The following MYO1D variants were observed in gnomAD, a reference collection of about 807,000 sequenced individuals.
MYO1D encodes the protein myosin ID.
Under a neutral mutation model 122.0 loss-of-function variants are expected in MYO1D, and 83 were observed. The observed-to-expected ratio is 0.68, with a 90% confidence interval of 0.57 to 0.82. The LOEUF (loss-of-function observed/expected upper bound fraction) is 0.82. MYO1D is among the 40% of genes least tolerant of loss of function. MYO1D has a pLI of 0.00. For synonymous variants in MYO1D, 464 were observed against 446.9 expected (o/e 1.04, Z -0.48); for missense variants, 1,157 against 1,269.5 (o/e 0.91, Z 1.35).
intron 21 of MYO1D, among the ~76,000 whole-genome samples, chr17:32,587,920 AAATC>A (rs1325339205): frequency 6.6e-6 from 1 of 152,260 alleles, no homozygotes; most frequent in African/African-American, 2.4e-5. Context: ...AACAAAATGA[AAATC>A]AATCAATTAG....
In MYO1D at chr17:32,760,468, C is replaced by A; in HGVS notation, c.1181+14G>T. On this transcript the variant is annotated intron_variant, in intron 9 of 21. Transcript: ENST00000318217. ...AAACAGGCAACAAGGTTTTAAGTAT[C>A]TTTTCCAGTTTACCTGTTGTTGTCA... The A allele has an allele frequency of 2.5e-6, 4 of 1,610,120 alleles. No homozygotes were observed. Among genetic ancestry groups the A allele is most frequent in the Non-Finnish European group, 3.4e-6 (4 of 1,177,548 alleles).
At chr17:32,868,732 T>C (rs1434099042) in intron 1 of MYO1D, among the ~76,000 whole-genome samples, 1 of 152,104 alleles carries the variant, frequency 6.6e-6, no homozygotes, top group African/African-American at 2.4e-5. Context: ...ATTTTACATA[T>C]AAGGAAATGA....
rs978706612 is a variant in MYO1D, at chr17:32,699,831, A to G, written c.2121+12157T>C. Among the ~76,000 whole-genome samples the G allele has an allele frequency of 2.0e-5, 3 of 152,330 alleles. No individual in the cohort carries two copies. The South Asian group carries it at 6.2e-4, about 32-fold the overall frequency. ...TTTTTGTGAATATTTGCAATTTTCC[A>G]TAATAAAAATATTAAAAAATAACAT... is the stretch of plus-strand genomic sequence containing the variant. On this transcript the variant is annotated intron_variant, in intron 16 of 21. Transcript: ENST00000318217.
At chr17:32,546,832 G>A (rs2086968696) in intron 21 of MYO1D, among the ~76,000 whole-genome samples, 1 of 151,978 alleles carries the variant, frequency 6.6e-6, no homozygotes, top group Middle Eastern at 3.4e-3. Flanking sequence ...AGTGATGTTT[G>A]CTTTATTTTG....
intron 12 of MYO1D, 27 bp downstream of exon 12, chr17:32,748,909 T>C (rs1433626192): frequency 1.3e-6 from 2 of 1,586,322 alleles, no homozygotes; most frequent in Admixed American, 1.7e-5. Context: ...ATGCAAATCA[T>C]GGTAGGTACC....
At chr17:32,713,413 A>G (rs2089404124) in intron 15 of MYO1D, among the ~76,000 whole-genome samples, 1 of 152,144 alleles carries the variant, frequency 6.6e-6, no homozygotes, top group Non-Finnish European at 1.5e-5. Flanking sequence ...TCACTACCAC[A>G]TGGTTTTAAT....
chr17:32,572,208 C>A (rs1280370122), intron 21 of MYO1D, among the ~76,000 whole-genome samples: 1 of 143,794 alleles, frequency 7.0e-6, no homozygotes, highest in Non-Finnish European at 1.5e-5. Flanking sequence ...AGTATCTCCA[C>A]CTTCCTTCCA....
At chr17:32,626,036 A>G (rs1192795419) in intron 20 of MYO1D, among the ~76,000 whole-genome samples, 1 of 152,190 alleles carries the variant, frequency 6.6e-6, no homozygotes, top group Non-Finnish European at 1.5e-5. Context: ...TCTTCAGAGC[A>G]AGGTATTACT....
chr17:32,591,664 C>CAA (rs112581480), intron 21 of MYO1D, among the ~76,000 whole-genome samples: 18,377 of 145,128 alleles, frequency 0.13, 1,430 homozygotes, highest in Middle Eastern at 0.24. Context: ...GTGATTTCAT[C>CAA]AAAAAAAAAA....
At chr17:32,727,879 C>A (rs1309832723) in intron 14 of MYO1D, among the ~76,000 whole-genome samples, 2 of 151,974 alleles carry the variant, frequency 1.3e-5, no homozygotes, top group African/African-American at 4.8e-5. Flanking sequence ...CAAACTCTAG[C>A]CAAAAGAAAA....
chr17:32,634,618 C>T (rs1474131231), intron 20 of MYO1D, among the ~76,000 whole-genome samples: 2 of 152,230 alleles, frequency 1.3e-5, no homozygotes, highest in Non-Finnish European at 2.9e-5. Context: ...GAACCACTTT[C>T]TGCTGAAAGC....
intron 21 of MYO1D, among the ~76,000 whole-genome samples, chr17:32,523,029 A>G (rs564153296): frequency 2.6e-5 from 4 of 152,128 alleles, no homozygotes; most frequent in East Asian, 1.9e-4. Context: ...GTTAGCCAGG[A>G]TGGTCTCGAT....
At chr17:32,543,042 C>T (rs1322140559) in intron 21 of MYO1D, among the ~76,000 whole-genome samples, 3 of 151,838 alleles carry the variant, frequency 2.0e-5, no homozygotes, top group South Asian at 2.1e-4. Flanking sequence ...CTGGCTAACA[C>T]GGTGAAACCC....
intron 1 of MYO1D, among the ~76,000 whole-genome samples, chr17:32,800,744 G>A (rs1895092076): frequency 6.6e-6 from 1 of 151,810 alleles, no homozygotes; most frequent in African/African-American, 2.4e-5. Context: ...GTCCCACTCT[G>A]TTGCCCAGGC....
chr17:32,538,766 G>A lies in MYO1D; in HGVS notation c.2865-43851C>T, dbSNP rs555422129. On this transcript the variant is annotated intron_variant, in intron 21 of 21. Coordinates refer to ENST00000318217, the MANE Select transcript of MYO1D (RefSeq NM_015194.3). ...ATACACCATGGAATACTATGCAGCC[G>A]TAAAAACGAATGAGATCATGTCCTT... 6.2e-4 allele frequency among the ~76,000 whole-genome samples: 95 copies of A among 152,240 alleles called. No individual in the cohort carries two copies. The Middle Eastern group carries it at 0.024, about 38-fold the overall frequency.
At chr17:32,736,348 A>G (rs1346594957) in intron 14 of MYO1D, among the ~76,000 whole-genome samples, 1 of 152,190 alleles carries the variant, frequency 6.6e-6, no homozygotes, top group Non-Finnish European at 1.5e-5. Flanking sequence ...TGACAACTCT[A>G]TATAGCAAAT....
intron 14 of MYO1D, 129 bp from the exon 15 acceptor site, chr17:32,721,318 G>T: frequency 1.2e-6 from 1 of 818,318 alleles, no homozygotes; most frequent in Non-Finnish European, 1.9e-6. Flanking sequence ...GCATACACTT[G>T]TGAATAAAGT....
intron 14 of MYO1D, among the ~76,000 whole-genome samples, chr17:32,736,877 A>G (rs1455882419): frequency 6.6e-6 from 1 of 152,248 alleles, no homozygotes; most frequent in African/African-American, 2.4e-5. Flanking sequence ...AAAAGCTGAG[A>G]TACAAGAGTG....
intron 21 of MYO1D, chr17:32,496,120 CG>C (rs1166961629): frequency 2.0e-5 from 3 of 152,312 alleles, no homozygotes; most frequent in Non-Finnish European, 4.4e-5. Flanking sequence ...ACTGGTTGCC[CG>C]GGAGGCGCAA....
Sources: allele counts gnomAD v4.1 joint callset (sites outside exome capture counted in the v4.1 genomes callset), GRCh38; gene constraint gnomAD v4.1.1; transcripts MANE v1.5; gene names NCBI Gene and HGNC (gene_info 2026-07-23, HGNC 2026-07-21).